ALAS1: variants seen among roughly 807,000 people sequenced by gnomAD.
The protein encoded by ALAS1 is 5-aminolevulinate synthase, non-specific, mitochondrial.
In ALAS1, 29 loss-of-function variants were observed where a neutral mutation model predicts 59.6. The observed-to-expected ratio is 0.49, with a 90% CI of 0.36 to 0.66. ALAS1 has a LOEUF of 0.66. ALAS1 is among the 30% of genes least tolerant of loss of function. ALAS1 has a pLI of 0.00. For synonymous variants in ALAS1, 299 were observed against 296.6 expected (o/e 1.01, Z -0.08); for missense variants, 690 against 807.5 (o/e 0.85, Z 1.76).
intron 9 of ALAS1, among the ~76,000 whole-genome samples, chr3:52,210,724 A>G (rs187600424): frequency 6.6e-6 from 1 of 152,190 alleles, no homozygotes; most frequent in East Asian, 1.9e-4. Flanking sequence ...GGCTGCAGAG[A>G]GCTATGATCA....
chr3:52,199,349 G>T lies in ALAS1; in HGVS notation c.108G>T (p.Met36Ile). The change falls in exon 3 of 12, where the codon ATG becomes ATT. Residue 36 changes from methionine to isoleucine, a missense_variant. By Grantham distance (10) the Met-to-Ile change is conservative (BLOSUM62 1). Coordinates refer to ENST00000484952, the MANE Select transcript of ALAS1 (RefSeq NM_000688.6). ...LLFYAQNCPK[M>I]MEVGAKPAPR... ...TCTATGCCCAAAACTGCCCCAAGATGATGGAAGTTGGGGCCAAGCCAGCCC... is the reference window on the plus strand; with the variant it reads ...TCTATGCCCAAAACTGCCCCAAGATTATGGAAGTTGGGGCCAAGCCAGCCC... 1 of 1,614,186 alleles carries T rather than the reference G, an allele frequency of 6.2e-7. No homozygotes were observed. Among genetic ancestry groups the T allele is most frequent in the Non-Finnish European group, 8.5e-7 (1 of 1,180,032 alleles).
chr3:52,213,935 G>T (rs1432031378), intron 11 of ALAS1, 85 bp from the exon 12 acceptor site: 1 of 1,258,514 alleles, frequency 7.9e-7, no homozygotes, highest in Non-Finnish European at 1.1e-6. Flanking sequence ...ATGAACATTT[G>T]TGTACAAGTT....
chr3:52,210,330 G>A (rs112815516), intron 9 of ALAS1, among the ~76,000 whole-genome samples: 18 of 152,150 alleles, frequency 1.2e-4, no homozygotes, highest in Non-Finnish European at 2.9e-5. Context: ...GGGAAGGGAG[G>A]CAGCAGCAGG....
In ALAS1 at chr3:52,198,182, A is replaced by G. The variant is rs953566621; in HGVS notation, c.-283A>G. 1.0e-5 allele frequency: 4 copies of G among 398,716 alleles called. No homozygotes were observed. The highest frequency in any genetic ancestry group is 6.3e-4 in the Middle Eastern group (1 of 1,588). The allele number at this position is 398,716 out of a possible 1,614,324, so 24.7% of individuals were successfully genotyped here. On this transcript the variant is annotated 5_prime_UTR_variant, in exon 1 of 12. Coordinates refer to ENST00000484952, the MANE Select transcript of ALAS1 (RefSeq NM_000688.6). ...CTGAGGCTGCTCCCGGACAAGGGCA[A>G]CGAGCGTTTCGTTTGGACTTCTCGA...
Position 52,199,235 on chromosome 3 carries a change from C to G in ALAS1, c.-7C>G. On this transcript the variant is annotated 5_prime_UTR_variant, in exon 3 of 12. Transcript: ENST00000484952. ...TCTTTCCACAGGAGCCAGCATACTT[C>G]CTGAACATGGAGAGTGTTGTTCGCC... 2 of 1,614,206 alleles carry G rather than the reference C, an allele frequency of 1.2e-6. No individual in the cohort carries two copies. Among genetic ancestry groups the G allele is most frequent in the Non-Finnish European group, 8.5e-7 (1 of 1,180,042 alleles).
chr3:52,207,213 T>C (rs164641), intron 8 of ALAS1, among the ~76,000 whole-genome samples: 9,460 of 151,874 alleles, frequency 0.062, 377 homozygotes, highest in African/African-American at 0.1. Flanking sequence ...CCATGTTAGC[T>C]AGGATGGTCT....
chr3:52,212,553 A>C (rs753288503), intron 11 of ALAS1, 133 bp downstream of exon 11: 1 of 1,218,620 alleles, frequency 8.2e-7, no homozygotes, highest in South Asian at 1.3e-5. Flanking sequence ...TTTTTGAGAC[A>C]AGAGTTTCGC....
intron 8 of ALAS1, among the ~76,000 whole-genome samples, chr3:52,207,837 G>A (rs990985644): frequency 2.6e-5 from 4 of 152,158 alleles, no homozygotes; most frequent in African/African-American, 9.7e-5. Flanking sequence ...GTGTAGTATT[G>A]CATTCTGCCA....
intron 7 of ALAS1, 139 bp downstream of exon 7, chr3:52,206,162 C>A: frequency 2.4e-6 from 2 of 836,188 alleles, no homozygotes; most frequent in East Asian, 2.7e-5. Flanking sequence ...TGGGGTCAAG[C>A]ATGAAATGCT....
At chr3:52,199,908 ACCTC>A (rs1161011704) in intron 3 of ALAS1, among the ~76,000 whole-genome samples, 3 of 151,908 alleles carry the variant, frequency 2.0e-5, no homozygotes, top group African/African-American at 7.3e-5. Flanking sequence ...TGCAACCTCC[ACCTC>A]CCAGGTTCAA....
chr3:52,203,928 G>A lies in ALAS1; in HGVS notation c.493G>A (p.Gly165Arg), dbSNP rs1187897752. The A allele has an allele frequency of 6.2e-7, 1 of 1,613,350 alleles. No individual in the cohort carries two copies. Among genetic ancestry groups the A allele is most frequent in the Non-Finnish European group, 8.5e-7 (1 of 1,179,664 alleles). Residue 165 changes from glycine to arginine, a missense_variant, in exon 5 of 12, where the codon GGA becomes AGA. Physicochemically the swap from Gly to Arg is moderately radical, Grantham distance 125 (BLOSUM62 -2). Coordinates refer to ENST00000484952, the MANE Select transcript of ALAS1 (RefSeq NM_000688.6). Reference protein sequence around the residue: ...SVKTDGGDPSGLLKNFQDIMQ... With the variant: ...SVKTDGGDPSRLLKNFQDIMQ... ...GAAAACCGATGGAGGGGATCCCAGT[G>A]GACTGCTGAAGAACTTCCAGGACAT...
chr3:52,199,161 A>T (rs1175672976), intron 2 of ALAS1, 49 bp from the exon 3 acceptor site: 1 of 1,573,646 alleles, frequency 6.4e-7, no homozygotes, highest in Non-Finnish European at 8.7e-7. Context: ...GTGAGCTTGC[A>T]GTGATATTTG....
intron 3 of ALAS1, among the ~76,000 whole-genome samples, chr3:52,200,876 TA>T: frequency 6.6e-6 from 1 of 151,798 alleles, no homozygotes; most frequent in East Asian, 1.9e-4. Flanking sequence ...TGTAAGAAAA[TA>T]AGTTTTTTTT....
At chr3:52,201,212 C>CTAGAAAG (rs1699180218) in intron 3 of ALAS1, among the ~76,000 whole-genome samples, 2 of 152,118 alleles carry the variant, frequency 1.3e-5, no homozygotes, top group Non-Finnish European at 2.9e-5. Context: ...TGAATTTGCT[C>CTAGAAAG]AAGGGGAGAG....
chr3:52,203,828 T>C (rs777283343), intron 4 of ALAS1, 35 bp from the exon 5 acceptor site: 9 of 1,548,136 alleles, frequency 5.8e-6, no homozygotes, highest in African/African-American at 1.4e-5. Context: ...GAATAGAAAG[T>C]TGGTCCCATT....
rs1699110745 is a variant in ALAS1 at position 52,198,252 on chromosome 3, GCAGGTGAGGGCCC to G, written c.-212_-210+10del. ...CGCCGCCGCCTCTGCAGTCCTCAGC[GCAGGTGAGGGCCC>G]GCGCGGTAGGTGCGGCGCCGGCCGA... On this transcript the variant is annotated splice_donor_variant and splice_donor_5th_base_variant and 5_prime_UTR_variant and intron_variant, in exon 1 of 12. Transcript: ENST00000484952. LOFTEE classifies it low-confidence loss of function (5UTR_SPLICE). 2.5e-6 allele frequency: 1 copy of G among 401,428 alleles called. No individual in the cohort carries two copies. Among genetic ancestry groups the G allele is most frequent in the African/African-American group, 2.1e-5 (1 of 48,630 alleles). 24.9% of individuals were successfully genotyped at this position (401,428 alleles called of 1,614,324 possible). A position where few individuals can be genotyped will look rare whatever the true frequency, so the allele number is the denominator to read the frequency against.
In ALAS1 at chr3:52,198,553, G is replaced by A. The variant is rs188660090; in HGVS notation, c.-209-119G>A. 2,556 of 549,592 alleles carry A rather than the reference G, an allele frequency of 4.7e-3. 11 individuals carry two copies. Among genetic ancestry groups the A allele is most frequent in the South Asian group, 0.011 (445 of 40,662 alleles). 34.0% of individuals were successfully genotyped at this position (549,592 alleles called of 1,614,324 possible). ...TCACCTCTGACCCCCACTGCCGGAG[G>A]ACTGCCTTCTTTCTCCAGACTCAAC... On this transcript the variant is annotated intron_variant, in intron 1 of 11. Coordinates refer to ENST00000484952, the MANE Select transcript of ALAS1 (RefSeq NM_000688.6).
intron 1 of ALAS1, among the ~76,000 whole-genome samples, 195 bp downstream of exon 1, chr3:52,198,450 G>A (rs1458733285): frequency 6.6e-6 from 1 of 152,158 alleles, no homozygotes; most frequent in Non-Finnish European, 1.5e-5. Context: ...GCCCCTTCCG[G>A]CTATTCCCGG....
chr3:52,209,401 G>T (rs1181048914), intron 9 of ALAS1, among the ~76,000 whole-genome samples: 2 of 152,166 alleles, frequency 1.3e-5, no homozygotes, highest in Non-Finnish European at 2.9e-5. Context: ...TAGAGACGGG[G>T]TTTCACCGTG....
Sources: allele counts gnomAD v4.1 joint callset (sites outside exome capture counted in the v4.1 genomes callset), GRCh38; gene constraint gnomAD v4.1.1; transcripts MANE v1.5; gene names NCBI Gene and HGNC (gene_info 2026-07-23, HGNC 2026-07-21).